Variants in EFCAB8 observed in about 807,000 individuals in gnomAD.
EFCAB8 encodes EF-hand calcium-binding domain-containing protein 8.
EFCAB8 carries 100 observed loss-of-function variants against 116.3 expected under a neutral mutation model. The ratio of observed to expected loss-of-function variants is 0.86; its 90% CI spans 0.73 to 1.02. EFCAB8 has a LOEUF of 1.02. Ranked by LOEUF, EFCAB8 falls within the 50% of genes least tolerant of loss-of-function variation. EFCAB8 has a pLI of 0.00. For synonymous variants in EFCAB8, 558 were observed against 567.9 expected, an observed-to-expected ratio of 0.98 and a Z score of 0.25; for missense variants, 1,320 against 1,416.9, an observed-to-expected ratio of 0.93 and a Z score of 1.10.
intron 17 of EFCAB8, among the ~76,000 whole-genome samples, chr20:32,914,671 A>G (rs1183520087): frequency 2.0e-5 from 3 of 152,148 alleles, no homozygotes; most frequent in African/African-American, 7.2e-5. Context: ...CCACTTTTAA[A>G]TCATCAGGTC....
intron 23 of EFCAB8, among the ~76,000 whole-genome samples, chr20:32,955,135 T>G (rs1988923097): frequency 6.6e-6 from 1 of 152,180 alleles, no homozygotes; most frequent in South Asian, 2.1e-4. Context: ...TGATTTTGCT[T>G]AAGGCAGGCC....
intron 23 of EFCAB8, 57 bp from the exon 24 acceptor site, chr20:32,958,364 G>A (rs1989037778): frequency 4.8e-6 from 2 of 415,820 alleles, no homozygotes; most frequent in South Asian, 1.3e-4. Flanking sequence ...AAGGGGCAGA[G>A]GGCATGGAGG....
At chr20:32,921,831 C>T (rs369921062) in intron 20 of EFCAB8, among the ~76,000 whole-genome samples, 9 of 130,206 alleles carry the variant, frequency 6.9e-5, no homozygotes, top group Admixed American at 8.1e-5. Flanking sequence ...TTACCTTATT[C>T]TTTTTTTTTT....
At chr20:32,899,394 G>C (rs1986320832) in intron 11 of EFCAB8, among the ~76,000 whole-genome samples, 1 of 129,452 alleles carries the variant, frequency 7.7e-6, no homozygotes, top group Non-Finnish European at 1.6e-5. Flanking sequence ...GACACAGTGA[G>C]ACTCCGTCTC....
intron 3 of EFCAB8, among the ~76,000 whole-genome samples, chr20:32,874,283 C>A (rs1984837733): frequency 6.6e-6 from 1 of 152,156 alleles, no homozygotes; most frequent in Non-Finnish European, 1.5e-5. Flanking sequence ...AGTACAGTGG[C>A]AAGATCATGG....
chr20:32,921,329 G>A (rs1181343), intron 20 of EFCAB8, among the ~76,000 whole-genome samples: 151,629 of 151,634 alleles, frequency 1, 75,812 homozygotes, highest in Middle Eastern at 1. Flanking sequence ...AGTAGCTGGG[G>A]CTATAGGCAT....
intron 22 of EFCAB8, among the ~76,000 whole-genome samples, chr20:32,932,798 G>C (rs1482752327): frequency 3.9e-5 from 6 of 152,206 alleles, no homozygotes; most frequent in Non-Finnish European, 7.3e-5. Flanking sequence ...GATGTTCTTG[G>C]AAGTGGGATT....
At chr20:32,931,490 G>A (rs1987908848) in intron 22 of EFCAB8, 154 bp downstream of exon 22, 1 of 642,958 alleles carries the variant, frequency 1.6e-6, no homozygotes, top group Non-Finnish European at 1.9e-6. Flanking sequence ...CAGTCGTGGT[G>A]GCCCACGCCT....
intron 3 of EFCAB8, among the ~76,000 whole-genome samples, chr20:32,873,947 G>A (rs1984815649): frequency 6.6e-6 from 1 of 151,642 alleles, no homozygotes; most frequent in South Asian, 2.1e-4. Context: ...TTGAGACAGG[G>A]TCTTACTCTG....
Position 32,892,295 on chromosome 20 carries a change from C to CT in EFCAB8, c.757dup (p.Trp253LeufsTer3). 1 of 1,551,508 alleles carries CT rather than the reference C, an allele frequency of 6.4e-7. No homozygotes were observed. Among genetic ancestry groups the CT allele is most frequent in the Non-Finnish European group, 8.7e-7 (1 of 1,146,938 alleles). The stretch of plus-strand genomic sequence containing the variant: ...ACAGCTGTGCTCTGGTCATGGACTA[C>CT]TGGTGAGTCTCCACTGGGTGTTCCT... On this transcript the variant is annotated frameshift_variant and splice_region_variant, in exon 8 of 27. Coordinates refer to ENST00000400522, the MANE Select transcript of EFCAB8 (RefSeq NM_001143967.2). LOFTEE classifies it high-confidence loss of function.
Position 32,961,168 on chromosome 20 carries a change from C to T in EFCAB8, c.3426C>T (p.Phe1142=), listed in dbSNP as rs1568953941. The part of the protein sequence containing the change: ...ISPQVYQSLH[F]SDLMPTQQPD... ...CTCAGGTCTACCAAAGCCTGCACTTCAGTGATCTGATGCCGACTCAGCAGC... is the reference window on the plus strand; with the variant it reads ...CTCAGGTCTACCAAAGCCTGCACTTTAGTGATCTGATGCCGACTCAGCAGC... Residue 1142 remains phenylalanine, a synonymous_variant, in exon 27 of 27, where the codon TTC becomes TTT. Transcript: ENST00000400522. 6.4e-7 allele frequency: 1 copy of T among 1,552,168 alleles called. No homozygotes were observed. Among genetic ancestry groups the T allele is most frequent in the South Asian group, 1.2e-5 (1 of 84,066 alleles).
At chr20:32,944,497 A>G (rs1266324721) in intron 23 of EFCAB8, among the ~76,000 whole-genome samples, 8 of 152,116 alleles carry the variant, frequency 5.3e-5, no homozygotes, top group Admixed American at 5.2e-4. Context: ...AAAGTGACTT[A>G]TGTGCCACTA....
chr20:32,862,433 C>G (rs1390965288), intron 1 of EFCAB8, among the ~76,000 whole-genome samples: 1 of 152,094 alleles, frequency 6.6e-6, no homozygotes, highest in Non-Finnish European at 1.5e-5. Flanking sequence ...ATTAAAACCA[C>G]TTTCCCTCTT....
intron 3 of EFCAB8, among the ~76,000 whole-genome samples, chr20:32,872,992 C>T (rs755128224): frequency 1.3e-4 from 19 of 151,226 alleles, no homozygotes; most frequent in Non-Finnish European, 2.1e-4. Context: ...CTTGGGAGGC[C>T]GAGGCAGGGA....
chr20:32,893,431 G>A (rs1986013757), intron 9 of EFCAB8, 133 bp downstream of exon 9: 5 of 1,332,992 alleles, frequency 3.8e-6, no homozygotes, highest in South Asian at 1.4e-5. Flanking sequence ...CTGCTTCCAA[G>A]CGCAGGGTGC....
chr20:32,868,050 T>C (rs530690521), intron 3 of EFCAB8, among the ~76,000 whole-genome samples: 22 of 152,102 alleles, frequency 1.4e-4, no homozygotes, highest in African/African-American at 5.1e-4. Context: ...GCTATTAGGT[T>C]GGTGCAAAAG....
intron 21 of EFCAB8, among the ~76,000 whole-genome samples, 157 bp from the exon 22 acceptor site, chr20:32,931,021 C>T (rs1408706074): frequency 1.3e-5 from 2 of 152,150 alleles, no homozygotes; most frequent in Admixed American, 6.5e-5. Context: ...ATCCCTAAGG[C>T]CCTTTCTGGC....
intron 26 of EFCAB8, 36 bp downstream of exon 26, chr20:32,960,197 G>A: frequency 6.5e-7 from 1 of 1,542,248 alleles, no homozygotes; most frequent in Non-Finnish European, 8.8e-7. Context: ...AAGAGGCTGG[G>A]TCAGGGGCCA....
chr20:32,905,761 A>G (rs1419959272), intron 11 of EFCAB8, among the ~76,000 whole-genome samples: 1 of 147,400 alleles, frequency 6.8e-6, no homozygotes, highest in Non-Finnish European at 1.5e-5. Flanking sequence ...CTCCATCTCA[A>G]AAAAAAAAAA....
Sources: allele counts gnomAD v4.1 joint callset (sites outside exome capture counted in the v4.1 genomes callset), GRCh38; gene constraint gnomAD v4.1.1; transcripts MANE v1.5; gene names NCBI Gene and HGNC (gene_info 2026-07-23, HGNC 2026-07-21).